The following SNAI3 variants were observed in gnomAD, a reference collection of about 807,000 sequenced individuals.
SNAI3 encodes the protein snail family transcriptional repressor 3.
Under a neutral mutation model 16.4 loss-of-function variants are expected in SNAI3, and 21 were observed. The observed-to-expected ratio is 1.28, with a 90% CI of 0.91 to 1.85. SNAI3 has a LOEUF of 1.85. Ranked by LOEUF, SNAI3 falls within the 40% of genes most tolerant of loss-of-function variation. SNAI3 has a pLI of 0.00. For missense variants in SNAI3, 457 were observed against 372.8 expected, an observed-to-expected ratio of 1.23 and a Z score of -1.86; for synonymous variants, 202 against 166.6, an observed-to-expected ratio of 1.21 and a Z score of -1.64.
intron 2 of SNAI3, among the ~76,000 whole-genome samples, chr16:88,679,287 C>G (rs1909079695): frequency 6.6e-6 from 1 of 152,144 alleles, no homozygotes; most frequent in Non-Finnish European, 1.5e-5. Context: ...GCCCCAGGGC[C>G]CTTTGGCACG....
chr16:88,680,959 A>G, intron 2 of SNAI3, 135 bp downstream of exon 2: 1 of 1,303,236 alleles, frequency 7.7e-7, no homozygotes, highest in Non-Finnish European at 1.0e-6. Flanking sequence ...TTGTACAGAT[A>G]AGTCAAAAGG....
rs762087786 is a variant in SNAI3 at position 88,681,173 on chromosome 16, C to G, written c.618G>C (p.Thr206=). The G allele has an allele frequency of 1.2e-6, 2 of 1,613,782 alleles. No homozygotes were observed. The highest frequency in any genetic ancestry group is 1.7e-6 in the Non-Finnish European group (2 of 1,179,958). The change falls in exon 2 of 3, where the codon ACG becomes ACC. Residue 206 remains threonine, a synonymous_variant. Transcript: ENST00000332281. This position sits in a 1 kb window ranked among gnomAD's most constrained non-coding sequence, Gnocchi z 5.4. ...GALKMHIRTH[T]LPCTCKICGK... is the part of the protein sequence containing the mutation. Reference sequence around the variant, plus strand: ...CACAGATCTTGCAGGTGCAGGGCAGCGTGTGAGTGCGGATGTGCATCTTGA... The same window carrying G: ...CACAGATCTTGCAGGTGCAGGGCAGGGTGTGAGTGCGGATGTGCATCTTGA...
chr16:88,681,620 C>G lies in SNAI3; in HGVS notation c.171G>C (p.Gln57His). 1 of 1,481,982 alleles carries G rather than the reference C, an allele frequency of 6.7e-7. No individual in the cohort carries two copies. Among genetic ancestry groups the G allele is most frequent in the Non-Finnish European group, 9.0e-7 (1 of 1,113,282 alleles). 91.8% of individuals were successfully genotyped at this position (1,481,982 alleles called of 1,614,324 possible). Residue 57 changes from glutamine (Q) to histidine (H), a missense_variant, in exon 2 of 3, where the codon CAG becomes CAC. Physicochemically the swap from Gln to His is conservative, Grantham distance 24. Coordinates refer to ENST00000332281, the MANE Select transcript of SNAI3 (RefSeq NM_178310.4). The surrounding 1 kb of genome is among the most constrained non-coding windows in gnomAD (Gnocchi z 5.4). ...CGACGGCCGAGGAGCGGTCCCAGGG[C>G]TGGGGAAGGTCACCGGGCACAGAAG... ...EAPSVPGDLP[Q>H]PWDRSSAVAC...
chr16:88,686,217 C>G, intron 1 of SNAI3, 114 bp downstream of exon 1: 1 of 1,337,086 alleles, frequency 7.5e-7, no homozygotes, highest in South Asian at 1.4e-5. Flanking sequence ...CTGGCTCCTT[C>G]TCCTCCCACC....
In SNAI3 at chr16:88,681,169, G is replaced by T; in HGVS notation, c.622C>A (p.Pro208Thr). 1 of 1,613,860 alleles carries T rather than the reference G, an allele frequency of 6.2e-7. No individual in the cohort carries two copies. Among genetic ancestry groups the T allele is most frequent in the Non-Finnish European group, 8.5e-7 (1 of 1,179,978 alleles). The change falls in exon 2 of 3, where the codon CCC becomes ACC. Residue 208 changes from proline to threonine, a missense_variant. Coordinates refer to ENST00000332281, the MANE Select transcript of SNAI3 (RefSeq NM_178310.4). This position sits in a 1 kb window ranked among gnomAD's most constrained non-coding sequence, Gnocchi z 5.4. ...TTGCCACAGATCTTGCAGGTGCAGG[G>T]CAGCGTGTGAGTGCGGATGTGCATC... ...LKMHIRTHTLPCTCKICGKAF... is the reference protein window; with the variant it reads ...LKMHIRTHTLTCTCKICGKAF...
At chr16:88,683,553 C>CTTTTTT (rs35529850) in intron 1 of SNAI3, among the ~76,000 whole-genome samples, 7 of 112,388 alleles carry the variant, frequency 6.2e-5, no homozygotes, top group Non-Finnish European at 5.2e-5. Flanking sequence ...TGCGCCTGGC[C>CTTTTTT]TTTTTTTTTT....
chr16:88,679,792 T>C (rs1163820361), intron 2 of SNAI3, among the ~76,000 whole-genome samples: 1 of 56,354 alleles, frequency 1.8e-5, no homozygotes, highest in East Asian at 7.7e-4. Flanking sequence ...AGAAAAAGTG[T>C]GAACTAGCTG....
intron 2 of SNAI3, among the ~76,000 whole-genome samples, chr16:88,679,761 C>CAAAAAAAAAAAAAAAAAA (rs567387152): frequency 2.9e-5 from 2 of 68,450 alleles, no homozygotes; most frequent in Admixed American, 1.7e-4. Flanking sequence ...GACTCTGTCT[C>CAAAAAAAAAAAAAAAAAA]AAAAAAAAAA....
chr16:88,682,332 C>T (rs1417569077), intron 1 of SNAI3, among the ~76,000 whole-genome samples: 1 of 152,254 alleles, frequency 6.6e-6, no homozygotes, highest in Non-Finnish European at 1.5e-5. Context: ...TGCAGCTGAG[C>T]CACATGGCTG....
chr16:88,686,150 G>A (rs56795164), intron 1 of SNAI3, 181 bp downstream of exon 1: 2 of 717,382 alleles, frequency 2.8e-6, no homozygotes, highest in South Asian at 4.0e-5. Context: ...GTGCCCTGAA[G>A]TGGAGGCGCC....
At chr16:88,683,076 C>T (rs910329326) in intron 1 of SNAI3, among the ~76,000 whole-genome samples, 2 of 147,256 alleles carry the variant, frequency 1.4e-5, no homozygotes, top group African/African-American at 5.0e-5. Context: ...CGCACCTGGC[C>T]CCCCACCCTT....
intron 1 of SNAI3, among the ~76,000 whole-genome samples, chr16:88,684,399 G>A (rs536180387): frequency 2.8e-4 from 42 of 152,216 alleles, no homozygotes; most frequent in Non-Finnish European, 5.0e-4. Flanking sequence ...CTGACCATGT[G>A]TTTCTGCTGG....
rs190194447 is a variant in SNAI3, at chr16:88,678,365, A to G, written c.*83T>C. 1.6e-6 allele frequency: 1 copy of G among 628,758 alleles called. No individual in the cohort carries two copies. Among genetic ancestry groups the G allele is most frequent in the East Asian group, 2.7e-5 (1 of 37,070 alleles). 38.9% of individuals were successfully genotyped at this position (628,758 alleles called of 1,614,324 possible). A position where few individuals can be genotyped will look rare whatever the true frequency, so the allele number is the denominator to read the frequency against. ...GTGAGGCCAGGCCCCGCCCTCCCAG[A>G]CTCCTGGCTCCTCTGGGGGCAGGAG... On this transcript the variant is annotated 3_prime_UTR_variant, in exon 3 of 3. Transcript: ENST00000332281.
rs1909368256 is a variant in SNAI3, at chr16:88,686,451, GGCGCGC to G, written c.-51_-46del. ...GGCCGGGGTGGGCTGGGGCGGGAGG[GGCGCGC>G]CTGGGTCCGGACTGCTGCGTCCGCC... On this transcript the variant is annotated 5_prime_UTR_variant, in exon 1 of 3. Transcript: ENST00000332281. 1.3e-6 allele frequency: 2 copies of G among 1,592,956 alleles called. No homozygotes were observed. The highest frequency in any genetic ancestry group is 1.7e-6 in the Non-Finnish European group (2 of 1,173,924).
At chr16:88,683,417 G>A (rs955917715) in intron 1 of SNAI3, among the ~76,000 whole-genome samples, 1 of 151,718 alleles carries the variant, frequency 6.6e-6, no homozygotes, top group Non-Finnish European at 1.5e-5. Context: ...CACCACGCCT[G>A]GCTTATTTTT....
chr16:88,680,351 T>C (rs1909125347), intron 2 of SNAI3, among the ~76,000 whole-genome samples: 1 of 124,732 alleles, frequency 8.0e-6, no homozygotes, highest in Non-Finnish European at 1.6e-5. Context: ...AGTGGCGCAA[T>C]CTTGGCTCAC....
Position 88,681,174 on chromosome 16 carries a change from G to A in SNAI3, c.617C>T (p.Thr206Met), listed in dbSNP as rs139790709. Residue 206 changes from threonine to methionine, a missense_variant, in exon 2 of 3, where the codon ACG (threonine) becomes ATG (methionine). Transcript: ENST00000332281. The surrounding 1 kb of genome is among the most constrained non-coding windows in gnomAD (Gnocchi z 5.4). ...ACAGATCTTGCAGGTGCAGGGCAGC[G>A]TGTGAGTGCGGATGTGCATCTTGAG... ...GALKMHIRTH[T>M]LPCTCKICGK... The A allele has an allele frequency of 3.2e-5, 52 of 1,613,712 alleles. No homozygotes were observed. The highest frequency in any genetic ancestry group is 4.5e-5 in the East Asian group (2 of 44,882).
At chr16:88,679,679 A>G (rs1909094041) in intron 2 of SNAI3, among the ~76,000 whole-genome samples, 1 of 146,524 alleles carries the variant, frequency 6.8e-6, no homozygotes. Flanking sequence ...GGAGAATGGC[A>G]TGAACCCAGG....
intron 2 of SNAI3, 85 bp from the exon 3 acceptor site, chr16:88,678,714 C>G (rs1909061576): frequency 6.7e-7 from 1 of 1,488,140 alleles, no homozygotes; most frequent in African/African-American, 1.4e-5. Context: ...ATGGATACTC[C>G]CATCCCTTCC....
Sources: gnomAD v4.1 joint callset for allele counts (sites outside exome capture counted in the v4.1 genomes callset) on GRCh38, gnomAD v4.1.1 for gene constraint, Gnocchi (gnomAD v3.1) non-coding constraint, MANE v1.5 for transcripts, NCBI Gene and HGNC (gene_info 2026-07-23, HGNC 2026-07-21) for gene names.